CD36: variants seen among roughly 807,000 people sequenced by gnomAD.
CD36 encodes the protein CD36 molecule (CD36 blood group).
A neutral mutation model predicts 55.2 loss-of-function variants in CD36; 119 were observed. The ratio of observed to expected loss-of-function variants is 2.15; its 90% CI spans 1.86 to 2.51. The LOEUF is 2.51. CD36 is among the 30% of genes most tolerant of loss of function. The pLI, the probability that CD36 is intolerant of heterozygous loss-of-function variation, is 0.00. For missense variants in CD36, 819 were observed against 555.5 expected, an observed-to-expected ratio of 1.47 and a Z score of -4.77; for synonymous variants, 186 against 193.6, an observed-to-expected ratio of 0.96 and a Z score of 0.33.
At chr7:80,638,499 T>TGGGGGATTTTTTTTTTC (rs1794575255), upstream of CD36, 1 of 148,924 alleles carries the variant, frequency 6.7e-6, no homozygotes, top group South Asian at 2.1e-4. Context: ...ATGTGCTGTG[T>TGGGGGATTTTTTTTTTC]GGGGGATTTT....
upstream of CD36, among the ~76,000 whole-genome samples, chr7:80,636,197 G>C (rs1794387990): frequency 6.6e-6 from 1 of 152,248 alleles, no homozygotes; most frequent in Middle Eastern, 3.4e-3. Context: ...CTTGTAGGAA[G>C]TGGGGGTGAT....
intron 1 of CD36, among the ~76,000 whole-genome samples, chr7:80,622,120 TTTCCCACCTTCAGGTGGGGGGACCACC>T (rs1793504553): frequency 3.9e-5 from 6 of 152,234 alleles, no homozygotes; most frequent in African/African-American, 1.4e-4. Flanking sequence ...CATGGGGGAC[TTTCCCACCTTCAGGTGGGGGGACCACC>T]CCTGCATCTC....
At chr7:80,609,689 C>A (rs1305606697) in intron 1 of CD36, among the ~76,000 whole-genome samples, 4 of 152,162 alleles carry the variant, frequency 2.6e-5, no homozygotes, top group Non-Finnish European at 4.4e-5. Flanking sequence ...GGAATAAAAG[C>A]ATGTATAAAT....
chr7:80,633,756 G>GT (rs1276561143), upstream of CD36, among the ~76,000 whole-genome samples: 6 of 151,954 alleles, frequency 3.9e-5, no homozygotes, highest in African/African-American at 1.2e-4. Context: ...CTAAATGTAT[G>GT]TATGTATACA....
At chr7:80,652,619 T>C (rs943488423) in intron 3 of CD36, among the ~76,000 whole-genome samples, 5 of 152,190 alleles carry the variant, frequency 3.3e-5, no homozygotes, top group Non-Finnish European at 5.9e-5. Context: ...AGTATGCTTC[T>C]GGTTTTTAAG....
rs3173805 is a variant in CD36 at position 80,671,688 on chromosome 7, T to C, written c.1007-234T>C. Among the ~76,000 whole-genome samples, 52,732 of 151,052 alleles carry C rather than the reference T, an allele frequency of 0.35. 10,507 individuals are homozygous for C. Among genetic ancestry groups the C allele is most frequent in the South Asian group, 0.45 (2,156 of 4,822 alleles). Reference sequence around the variant, plus strand: ...TGTGGAAGAAGAAAGAAAAAACTAGTGTTAAATAAATTCTTAGTCCATAGA... The same window carrying C: ...TGTGGAAGAAGAAAGAAAAAACTAGCGTTAAATAAATTCTTAGTCCATAGA... On this transcript the variant is annotated intron_variant, in intron 10 of 14. Transcript: ENST00000447544.
In CD36 at chr7:80,652,724, C is replaced by A. The variant is rs541792322; in HGVS notation, c.121-3816C>A. On this transcript the variant is annotated intron_variant, in intron 3 of 14. Coordinates refer to ENST00000447544, the MANE Select transcript of CD36 (RefSeq NM_001001548.3). ...TATTATATAAGTTATTGGCACATGA[C>A]TGGCTTAGACAGTAAATGCTATGAA... 3.9e-5 allele frequency among the ~76,000 whole-genome samples: 6 copies of A among 152,222 alleles called. No individual in the cohort carries two copies. The East Asian group carries it at 1.2e-3, about 29-fold the overall frequency.
At chr7:80,625,781 A>G (rs564701545) in intron 1 of CD36, among the ~76,000 whole-genome samples, 3 of 152,288 alleles carry the variant, frequency 2.0e-5, no homozygotes, top group East Asian at 3.9e-4. Context: ...TATGAAGGCT[A>G]GTATTATGTA....
At chr7:80,621,937 G>A (rs147270550) in intron 1 of CD36, among the ~76,000 whole-genome samples, 102 of 152,286 alleles carry the variant, frequency 6.7e-4, no homozygotes, top group African/African-American at 2.1e-3. Context: ...CCTGTTTGGC[G>A]TGCTTTCCTC....
intron 1 of CD36, among the ~76,000 whole-genome samples, chr7:80,614,963 A>G (rs887759122): frequency 6.6e-6 from 1 of 151,808 alleles, no homozygotes; most frequent in African/African-American, 2.4e-5. Context: ...CCCTGCTGTT[A>G]TGTTCCAGAA....
chr7:80,604,400 T>C (rs947227359), intron 1 of CD36, among the ~76,000 whole-genome samples: 2 of 123,996 alleles, frequency 1.6e-5, no homozygotes, highest in Non-Finnish European at 3.2e-5. Flanking sequence ...TAGCAAAGTA[T>C]GCCATTGGTT....
At chr7:80,617,606 A>G (rs1205496063) in intron 1 of CD36, among the ~76,000 whole-genome samples, 1 of 151,906 alleles carries the variant, frequency 6.6e-6, no homozygotes, top group East Asian at 1.9e-4. Context: ...AGGTGCTTGT[A>G]GTCCCAGCTA....
At chr7:80,627,220 A>G (rs1562778149) in intron 1 of CD36, among the ~76,000 whole-genome samples, 1 of 152,064 alleles carries the variant, frequency 6.6e-6, no homozygotes, top group Non-Finnish European at 1.5e-5. Flanking sequence ...TATTTTATCC[A>G]TTGCCTTGTA....
chr7:80,643,661 A>G (rs1485775470), intron 1 of CD36, among the ~76,000 whole-genome samples: 3 of 152,256 alleles, frequency 2.0e-5, no homozygotes, highest in South Asian at 4.1e-4. Context: ...GGAATCAGTC[A>G]TTTTACCTAA....
At chr7:80,638,484 C>A (rs570434635), upstream of CD36, 1 of 148,038 alleles carries the variant, frequency 6.8e-6, no homozygotes, top group African/African-American at 2.5e-5. Context: ...TTAGCCATAT[C>A]AGTAATGTGC....
rs569959776 is a variant in CD36, at chr7:80,663,166, T to G, written c.606T>G (p.Tyr202Ter). 2 of 1,611,838 alleles carry G rather than the reference T, an allele frequency of 1.2e-6. No homozygotes were observed. The highest frequency in any genetic ancestry group is 1.1e-5 in the South Asian group (1 of 91,028). ...YPVTTTVGLF[Y>*]PYNNTADGVY... ...TTACTACCACAGTTGGTCTGTTTTA[T>G]CCTGTAAGTACCAAATATGAATGGC... Residue 202 changes from tyrosine (Y) to a stop codon, truncating the protein, a stop_gained, in exon 6 of 15, where the codon TAT becomes TAG. Transcript: ENST00000447544. LOFTEE classifies it high-confidence loss of function.
chr7:80,677,617 G>GTT lies in CD36; in HGVS notation c.*1234_*1235insTT. ...GAAGATAAAAGAAGTATCTGTCCAA[G>GTT]ATATTAATATGTAAGATAACATTGT... On this transcript the variant is annotated 3_prime_UTR_variant, in exon 15 of 15. Coordinates refer to ENST00000447544, the MANE Select transcript of CD36 (RefSeq NM_001001548.3). 1 of 152,218 alleles carries GTT rather than the reference G, an allele frequency of 6.6e-6. No homozygotes were observed. The highest frequency in any genetic ancestry group is 1.9e-4 in the East Asian group (1 of 5,166). The allele number at this position is 152,218 out of a possible 1,614,324, so 9.4% of individuals were successfully genotyped here. A position where few individuals can be genotyped will look rare whatever the true frequency, so the allele number is the denominator to read the frequency against.
chr7:80,610,667 T>G (rs923376437), intron 1 of CD36, among the ~76,000 whole-genome samples: 2 of 152,040 alleles, frequency 1.3e-5, no homozygotes, highest in African/African-American at 4.8e-5. Context: ...CTCTGGCTCC[T>G]GAGTTCAAGC....
intron 1 of CD36, among the ~76,000 whole-genome samples, chr7:80,643,849 T>G (rs931795153): frequency 5.3e-5 from 8 of 152,194 alleles, no homozygotes; most frequent in African/African-American, 9.7e-5. Flanking sequence ...TCTTGTCCCT[T>G]CATCTCAATT....
Sources: allele counts gnomAD v4.1 joint callset (sites outside exome capture counted in the v4.1 genomes callset), GRCh38; gene constraint gnomAD v4.1.1; transcripts MANE v1.5; gene names NCBI Gene and HGNC (gene_info 2026-07-23, HGNC 2026-07-21).